Variants in PLEKHM3 observed in about 807,000 individuals in gnomAD.
PLEKHM3 encodes pleckstrin homology domain-containing family M member 3.
A neutral mutation model predicts 81.8 loss-of-function variants in PLEKHM3; 45 were observed. The ratio of observed to expected loss-of-function variants is 0.55; its 90% CI spans 0.43 to 0.71. The LOEUF (loss-of-function observed/expected upper bound fraction) is 0.71, where lower values mean the gene tolerates loss of function less well. Ranked by LOEUF, PLEKHM3 falls within the 30% of genes least tolerant of loss-of-function variation. The probability of loss-of-function intolerance (pLI) is 0.00; values close to 1 mark genes in which losing one functional copy is unlikely to be tolerated. For synonymous variants in PLEKHM3, 352 were observed against 356.4 expected (o/e 0.99, Z 0.14); for missense variants, 788 against 924.3 (o/e 0.85, Z 1.91).
chr2:207,858,174 G>C (rs61624605), intron 7 of PLEKHM3, among the ~76,000 whole-genome samples: 1 of 123,260 alleles, frequency 8.1e-6, no homozygotes, highest in Non-Finnish European at 1.6e-5. Context: ...GTGTGTGTGT[G>C]TATATATTTT....
intron 7 of PLEKHM3, among the ~76,000 whole-genome samples, chr2:207,850,451 G>A (rs1386288710): frequency 6.6e-6 from 1 of 152,196 alleles, no homozygotes; most frequent in African/African-American, 2.4e-5. Context: ...AAAAACTCAC[G>A]AAAGCCAAAT....
intron 5 of PLEKHM3, among the ~76,000 whole-genome samples, chr2:207,914,540 G>A (rs961267236): frequency 6.6e-6 from 1 of 151,566 alleles, no homozygotes; most frequent in East Asian, 1.9e-4. Context: ...AAATTAGCTG[G>A]GGGTGGTGGT....
At chr2:207,885,496 G>A (rs1687859432) in intron 6 of PLEKHM3, among the ~76,000 whole-genome samples, 1 of 152,126 alleles carries the variant, frequency 6.6e-6, no homozygotes. Flanking sequence ...ATCAAAGCAG[G>A]AAATAAAGAA....
chr2:208,001,093 C>T lies in PLEKHM3; in HGVS notation c.547G>A (p.Val183Ile), dbSNP rs1440259687. ...GGCAACAGAAAAGATGGCCTGGTGACATGCGGGCCTTGAAGCAATGGCTGC... is the reference window on the plus strand; with the variant it reads ...GGCAACAGAAAAGATGGCCTGGTGATATGCGGGCCTTGAAGCAATGGCTGC... ...QQQPLLQGPHVTRPSFLLPSP... is the reference protein window; with the variant it reads ...QQQPLLQGPHITRPSFLLPSP... The change falls in exon 2 of 8, where the codon GTC (valine) becomes ATC (isoleucine). Residue 183 changes from valine to isoleucine, a missense_variant. Coordinates refer to ENST00000427836, the MANE Select transcript of PLEKHM3 (RefSeq NM_001080475.3). The T allele has an allele frequency of 1.3e-6, 2 of 1,577,552 alleles. No individual in the cohort carries two copies. Among genetic ancestry groups the T allele is most frequent in the Middle Eastern group, 1.7e-4 (1 of 6,008 alleles).
intron 5 of PLEKHM3, among the ~76,000 whole-genome samples, chr2:207,914,988 C>T (rs1311423142): frequency 1.3e-5 from 2 of 152,192 alleles, no homozygotes; most frequent in Non-Finnish European, 2.9e-5. Flanking sequence ...GAGTCAACTC[C>T]ACACTTCACT....
intron 4 of PLEKHM3, among the ~76,000 whole-genome samples, chr2:207,932,361 G>A (rs906738497): frequency 2.6e-5 from 4 of 152,218 alleles, no homozygotes; most frequent in African/African-American, 9.6e-5. Context: ...CACTGACAGT[G>A]AGATGTAGAT....
chr2:207,828,964 C>G (rs1006531086), intron 7 of PLEKHM3, among the ~76,000 whole-genome samples: 1 of 152,200 alleles, frequency 6.6e-6, no homozygotes, highest in Non-Finnish European at 1.5e-5. Context: ...TGTTAACTAG[C>G]TGCCTTTATT....
At chr2:207,831,179 T>C (rs545965303) in intron 7 of PLEKHM3, among the ~76,000 whole-genome samples, 5 of 152,326 alleles carry the variant, frequency 3.3e-5, no homozygotes, top group African/African-American at 9.6e-5. Context: ...TGCAGCTGCA[T>C]TGCAGCCTGA....
At chr2:207,908,227 A>G (rs960347886) in intron 6 of PLEKHM3, among the ~76,000 whole-genome samples, 3 of 152,326 alleles carry the variant, frequency 2.0e-5, no homozygotes, top group South Asian at 4.1e-4. Context: ...TTGTTGGGTC[A>G]TATGGTAACT....
chr2:207,918,540 CAAA>C (rs1449026036), intron 5 of PLEKHM3, among the ~76,000 whole-genome samples: 2 of 145,202 alleles, frequency 1.4e-5, no homozygotes, highest in Admixed American at 6.7e-5. Flanking sequence ...AACAAACAAA[CAAA>C]AAACAAACAA....
chr2:207,969,536 T>C (rs17537670), intron 3 of PLEKHM3, among the ~76,000 whole-genome samples: 16,073 of 152,338 alleles, frequency 0.11, 970 homozygotes, highest in Non-Finnish European at 0.13. Flanking sequence ...CATGTGGTAT[T>C]AGCAAGGTCA....
intron 6 of PLEKHM3, among the ~76,000 whole-genome samples, chr2:207,863,165 G>C (rs1165018077): frequency 6.6e-6 from 1 of 152,236 alleles, no homozygotes; most frequent in African/African-American, 2.4e-5. Flanking sequence ...TTGGTGCATA[G>C]GCAAGACTTG....
intron 1 of PLEKHM3, among the ~76,000 whole-genome samples, chr2:208,012,135 G>A (rs545458683): frequency 4.3e-4 from 65 of 151,710 alleles, no homozygotes; most frequent in Admixed American, 3.3e-3. Flanking sequence ...TCTGCCTCCC[G>A]GGTTCACACC....
chr2:207,959,061 A>C (rs543374403), intron 3 of PLEKHM3, among the ~76,000 whole-genome samples: 1 of 152,330 alleles, frequency 6.6e-6, no homozygotes, highest in African/African-American at 2.4e-5. Context: ...TATTTTGTTC[A>C]TCATGGACTT....
At chr2:207,958,866 C>A (rs1690628954) in intron 3 of PLEKHM3, among the ~76,000 whole-genome samples, 1 of 152,084 alleles carries the variant, frequency 6.6e-6, no homozygotes, top group South Asian at 2.1e-4. Flanking sequence ...GCTGAGATTG[C>A]ACCACTGCAC....
chr2:207,825,420 T>C lies in PLEKHM3; in HGVS notation c.*2899A>G, dbSNP rs1054207473. 2.0e-5 allele frequency: 3 copies of C among 152,178 alleles called. No homozygotes were observed. Among genetic ancestry groups the C allele is most frequent in the Admixed American group, 6.5e-5 (1 of 15,272 alleles). 9.4% of individuals were successfully genotyped at this position (152,178 alleles called of 1,614,324 possible). On this transcript the variant is annotated 3_prime_UTR_variant, in exon 8 of 8. Coordinates refer to ENST00000427836, the MANE Select transcript of PLEKHM3 (RefSeq NM_001080475.3). ...TGTTTTATGTGCAAGATATTTAATATGGGATGAAAAATGGAACACGAGGAA... is the reference window on the plus strand; with the variant it reads ...TGTTTTATGTGCAAGATATTTAATACGGGATGAAAAATGGAACACGAGGAA...
chr2:207,947,851 C>T (rs961392889), intron 3 of PLEKHM3, among the ~76,000 whole-genome samples: 2 of 152,194 alleles, frequency 1.3e-5, no homozygotes, highest in African/African-American at 4.8e-5. Flanking sequence ...TTCACATGAA[C>T]TCCATGAATG....
At chr2:207,974,148 CCTAA>C (rs771502698) in intron 3 of PLEKHM3, among the ~76,000 whole-genome samples, 3 of 152,186 alleles carry the variant, frequency 2.0e-5, no homozygotes, top group Non-Finnish European at 2.9e-5. Flanking sequence ...TCATATGGAA[CCTAA>C]CTAAGGCAGC....
intron 1 of PLEKHM3, among the ~76,000 whole-genome samples, chr2:208,023,978 A>G (rs1693217050): frequency 2.0e-5 from 3 of 151,892 alleles, no homozygotes; most frequent in Non-Finnish European, 4.4e-5. Context: ...CCCTGTCTCT[A>G]CCAAATGTAC....
Sources: allele counts gnomAD v4.1 joint callset (sites outside exome capture counted in the v4.1 genomes callset), GRCh38; gene constraint gnomAD v4.1.1; transcripts MANE v1.5; gene names NCBI Gene and HGNC (gene_info 2026-07-23, HGNC 2026-07-21).